The following PEX1 variants were observed in gnomAD, a reference collection of about 807,000 sequenced individuals.
PEX1 encodes the protein peroxisomal biogenesis factor 1, also known as peroxisomal ATPase PEX1.
Under a neutral mutation model 152.5 loss-of-function variants are expected in PEX1, and 97 were observed. The ratio of observed to expected loss-of-function variants is 0.64; its 90% CI spans 0.54 to 0.75. The LOEUF (loss-of-function observed/expected upper bound fraction) is 0.75. Ranked by LOEUF, PEX1 falls within the 30% of genes least tolerant of loss-of-function variation. The pLI is 0.00. For synonymous variants in PEX1, 485 were observed against 531.6 expected (o/e 0.91, Z 1.21); for missense variants, 1,357 against 1,516.3 (o/e 0.89, Z 1.74).
At position 92,499,760 on chromosome 7, in the gene PEX1, T is replaced by C; in HGVS notation, c.2662A>G (p.Thr888Ala). ...LLYGPPGTGK[T>A]LLAGVIARES... ...CGTGCAATTACCCCAGCTAGTAAGG[T>C]TTTTCCTGTTCCAGGCGGACCATAC... The change falls in exon 16 of 24, where the codon ACC becomes GCC. Residue 888 changes from threonine to alanine, a missense_variant. Coordinates refer to ENST00000248633, the MANE Select transcript of PEX1 (RefSeq NM_000466.3). 1 of 1,613,304 alleles carries C rather than the reference T, an allele frequency of 6.2e-7. No individual in the cohort carries two copies. The highest frequency in any genetic ancestry group is 8.5e-7 in the Non-Finnish European group (1 of 1,179,388).
chr7:92,495,855 A>G (rs1791630324), intron 17 of PEX1, among the ~76,000 whole-genome samples: 1 of 151,992 alleles, frequency 6.6e-6, no homozygotes, highest in Non-Finnish European at 1.5e-5. Flanking sequence ...TAATTTTCCT[A>G]ATTTCATGAG....
Position 92,487,339 on chromosome 7 carries a change from T to TA in PEX1, c.*117dup. On this transcript the variant is annotated 3_prime_UTR_variant, in exon 24 of 24. Coordinates refer to ENST00000248633, the MANE Select transcript of PEX1 (RefSeq NM_000466.3). ...TAGCATTTACCAATCTGTGATTTTA[T>TA]AAATTAACCAAATTTGTTAAATTAA... 1 of 626,246 alleles carries TA rather than the reference T, an allele frequency of 1.6e-6. No homozygotes were observed. Among genetic ancestry groups the TA allele is most frequent in the Non-Finnish European group, 2.8e-6 (1 of 351,312 alleles). The allele number at this position is 626,246 out of a possible 1,614,324, so 38.8% of individuals were successfully genotyped here.
intron 1 of PEX1, among the ~76,000 whole-genome samples, chr7:92,526,290 G>A (rs1018883151): frequency 4.6e-5 from 7 of 152,174 alleles, no homozygotes; most frequent in Admixed American, 6.6e-5. Context: ...TGATTTAATA[G>A]GTCTGAGGGT....
chr7:92,511,488 A>T (rs1445300592), intron 7 of PEX1, 92 bp downstream of exon 7: 1 of 954,422 alleles, frequency 1.0e-6, no homozygotes. Context: ...CACTATTCAC[A>T]TACTGTTCAC....
intron 9 of PEX1, 66 bp from the exon 10 acceptor site, chr7:92,507,192 A>G: frequency 6.7e-7 from 1 of 1,491,892 alleles, no homozygotes; most frequent in Non-Finnish European, 9.3e-7. Flanking sequence ...CTATAAAAAA[A>G]TGCTGAATTT....
Position 92,506,329 on chromosome 7 carries a change from T to C in PEX1, c.1819A>G (p.Thr607Ala). 2 of 1,606,192 alleles carry C rather than the reference T, an allele frequency of 1.2e-6. No individual in the cohort carries two copies. The highest frequency in any genetic ancestry group is 1.1e-5 in the South Asian group (1 of 90,888). Residue 607 changes from threonine to alanine, a missense_variant, in exon 11 of 24, where the codon ACT becomes GCT. By Grantham distance (58) the Thr-to-Ala change is moderately conservative (BLOSUM62 0). Transcript: ENST00000248633. ...LTGGKGSGKSTLAKAICKEAF... is the reference protein window; with the variant it reads ...LTGGKGSGKSALAKAICKEAF... ...TCTTTACAGATTGCTTTGGCTAAAGTTGATTTTCCACTTCCCTAGAAAATA... is the reference window on the plus strand; with the variant it reads ...TCTTTACAGATTGCTTTGGCTAAAGCTGATTTTCCACTTCCCTAGAAAATA...
intron 20 of PEX1, among the ~76,000 whole-genome samples, chr7:92,492,084 A>C (rs1380404866): frequency 2.0e-5 from 3 of 152,332 alleles, no homozygotes; most frequent in Admixed American, 2.0e-4. Context: ...TAAAATCATA[A>C]TACTGTCTTT....
chr7:92,520,932 T>C (rs1034507024), intron 2 of PEX1, among the ~76,000 whole-genome samples: 2 of 152,134 alleles, frequency 1.3e-5, no homozygotes, highest in Non-Finnish European at 2.9e-5. Context: ...ACTCATTTTT[T>C]ACTTTCAATG....
chr7:92,506,927 AC>A, intron 10 of PEX1, 66 bp downstream of exon 10: 7 of 1,553,640 alleles, frequency 4.5e-6, no homozygotes, highest in Non-Finnish European at 6.2e-6. Flanking sequence ...GATGGTCAAA[AC>A]CCAAAGAAAG....
At chr7:92,492,762 A>G (rs1303643045) in intron 20 of PEX1, among the ~76,000 whole-genome samples, 191 bp downstream of exon 20, 1 of 152,226 alleles carries the variant, frequency 6.6e-6, no homozygotes, top group Admixed American at 6.5e-5. Flanking sequence ...ACAGACATCA[A>G]ACTTCATAAT....
rs542936110 is a variant in PEX1, at chr7:92,508,158, A to G, written c.1671-1032T>C. ...CTCTTAAACATTACCTATGAAATCC[A>G]GTATCAATCTGTAGATTATATTTTA... On this transcript the variant is annotated intron_variant, in intron 9 of 23. Transcript: ENST00000248633. Among the ~76,000 whole-genome samples the G allele has an allele frequency of 5.3e-5, 8 of 151,282 alleles. No homozygotes were observed. The South Asian group carries it at 1.3e-3, about 24-fold the overall frequency.
chr7:92,519,058 G>A lies in PEX1; in HGVS notation c.294C>T (p.Ser98=). 1 of 1,607,004 alleles carries A rather than the reference G, an allele frequency of 6.2e-7. No homozygotes were observed. The highest frequency in any genetic ancestry group is 8.5e-7 in the Non-Finnish European group (1 of 1,173,878). Reference sequence around the variant, plus strand: ...CAACTTGTTGACAAGATACCACATGGGAACATGGCTTGAGAAATACCTAGA... The same window carrying A: ...CAACTTGTTGACAAGATACCACATGAGAACATGGCTTGAGAAATACCTAGA... ...NGGQVFLKPC[S]HVVSCQQVEV... The change falls in exon 3 of 24, where the codon TCC becomes TCT. Residue 98 remains serine (S), a synonymous_variant. Transcript: ENST00000248633.
Position 92,518,146 on chromosome 7 carries a change from T to G in PEX1, c.467A>C (p.Gln156Pro). 1 of 1,611,014 alleles carries G rather than the reference T, an allele frequency of 6.2e-7. No homozygotes were observed. The highest frequency in any genetic ancestry group is 2.2e-5 in the East Asian group (1 of 44,848). Reference protein sequence around the residue: ...WVDQQTYIFIQIVALIPAASY... With the variant: ...WVDQQTYIFIPIVALIPAASY... ...AATATTACAATAGCACCTACCAATT[T>G]GGATAAATATGTACGTTTGTTGATC... The change falls in exon 4 of 24, where the codon CAA becomes CCA. Residue 156 changes from glutamine (Q) to proline (P), a missense_variant. By Grantham distance (76) the Gln-to-Pro change is moderately conservative (BLOSUM62 -1). Transcript: ENST00000248633.
At chr7:92,496,660 T>C in intron 17 of PEX1, 53 bp downstream of exon 17, 9 of 1,180,186 alleles carry the variant, frequency 7.6e-6, no homozygotes, top group South Asian at 1.2e-5. Flanking sequence ...AAAGCACTGA[T>C]TGATAAATAA....
chr7:92,489,532 C>T (rs951282371), intron 22 of PEX1, 109 bp from the exon 23 acceptor site: 2 of 1,090,620 alleles, frequency 1.8e-6, no homozygotes, highest in African/African-American at 1.6e-5. Flanking sequence ...ACCATACGTT[C>T]TCTTCCTTAT....
At chr7:92,507,245 CTTT>C (rs79143453) in intron 9 of PEX1, 119 bp from the exon 10 acceptor site, 1 of 692,954 alleles carries the variant, frequency 1.4e-6, no homozygotes, top group Non-Finnish European at 2.2e-6. Context: ...AATTTTTTAT[CTTT>C]TTTTTTTTGA....
intron 9 of PEX1, among the ~76,000 whole-genome samples, chr7:92,508,537 CAA>C (rs374327161): frequency 3.0e-4 from 36 of 119,096 alleles, no homozygotes; most frequent in Non-Finnish European, 4.3e-4. Context: ...GAGTCCATCT[CAA>C]AAAAAAAAAA....
chr7:92,492,753 CAG>C (rs1488085818), intron 20 of PEX1, among the ~76,000 whole-genome samples, 198 bp downstream of exon 20: 1 of 152,152 alleles, frequency 6.6e-6, no homozygotes, highest in South Asian at 2.1e-4. Context: ...GTTAAAGAAA[CAG>C]ACATCAAACT....
At position 92,517,373 on chromosome 7, in the gene PEX1, G is replaced by C. The variant is rs73404416; in HGVS notation, c.1142C>G (p.Ala381Gly). Reference sequence around the variant, plus strand: ...ATTCCAGACTACTTGTAGCACACAGGCCTTCTCATCTTCTTCATTATGATC... The same window carrying C: ...ATTCCAGACTACTTGTAGCACACAGCCCTTCTCATCTTCTTCATTATGATC... ...RSDHNEEDEKACVLQVVWNGL... is the reference protein window; with the variant it reads ...RSDHNEEDEKGCVLQVVWNGL... Residue 381 changes from alanine to glycine, a missense_variant, in exon 5 of 24, where the codon GCC becomes GGC. Physicochemically the swap from Ala to Gly is moderately conservative, Grantham distance 60. Transcript: ENST00000248633. The C allele has an allele frequency of 1.1e-5, 18 of 1,613,250 alleles. No homozygotes were observed. In the East Asian group the frequency reaches 3.1e-4, roughly 28 times the overall value.
Sources: gnomAD v4.1 joint callset for allele counts (sites outside exome capture counted in the v4.1 genomes callset) on GRCh38, gnomAD v4.1.1 for gene constraint, MANE v1.5 for transcripts, NCBI Gene and HGNC (gene_info 2026-07-23, HGNC 2026-07-21) for gene names.